RNGTT: variants seen among roughly 807,000 people sequenced by gnomAD.
RNGTT encodes the protein RNA guanylyltransferase and 5'-phosphatase.
RNGTT carries 33 observed loss-of-function variants against 79.3 expected under a neutral mutation model. The ratio of observed to expected loss-of-function variants is 0.42; its 90% CI spans 0.32 to 0.56. The LOEUF (loss-of-function observed/expected upper bound fraction) is 0.56, where lower values mean the gene tolerates loss of function less well. RNGTT is among the 20% of genes least tolerant of loss of function. RNGTT has a pLI of 0.17. For missense variants in RNGTT, 497 were observed against 739.1 expected, an observed-to-expected ratio of 0.67 and a Z score of 3.80; for synonymous variants, 222 against 235.9, an observed-to-expected ratio of 0.94 and a Z score of 0.54.
chr6:88,887,028 T>G (rs138298631), intron 8 of RNGTT, among the ~76,000 whole-genome samples: 88 of 93,310 alleles, frequency 9.4e-4, no homozygotes, highest in Admixed American at 2.2e-3. Context: ...CTGAGCAACA[T>G]AGCAAAACAC....
At chr6:88,705,659 A>T (rs1268742401) in intron 13 of RNGTT, among the ~76,000 whole-genome samples, 4 of 152,156 alleles carry the variant, frequency 2.6e-5, no homozygotes, top group African/African-American at 9.7e-5. Context: ...ATGCTGTGGT[A>T]TTACATCCTT....
intron 12 of RNGTT, among the ~76,000 whole-genome samples, chr6:88,773,610 T>C (rs948140074): frequency 3.3e-5 from 5 of 151,766 alleles, no homozygotes; most frequent in Non-Finnish European, 5.9e-5. Flanking sequence ...AGCATAAAGA[T>C]AGACAAAAAC....
intron 11 of RNGTT, among the ~76,000 whole-genome samples, chr6:88,814,078 C>T (rs1450398640): frequency 6.7e-6 from 1 of 149,692 alleles, no homozygotes; most frequent in East Asian, 2.0e-4. Flanking sequence ...GCTGTATTAT[C>T]ACAAGAGGTT....
intron 8 of RNGTT, among the ~76,000 whole-genome samples, chr6:88,889,072 C>G (rs908089215): frequency 2.0e-5 from 3 of 152,068 alleles, no homozygotes; most frequent in African/African-American, 7.2e-5. Context: ...CCATATAACC[C>G]AGAGAAAAAG....
intron 1 of RNGTT, among the ~76,000 whole-genome samples, chr6:88,957,053 A>G (rs559537718): frequency 6.6e-6 from 1 of 152,268 alleles, no homozygotes; most frequent in African/African-American, 2.4e-5. Flanking sequence ...AAATAAAATA[A>G]AAATAAATGT....
At chr6:88,848,260 G>T (rs1781552727) in intron 10 of RNGTT, among the ~76,000 whole-genome samples, 1 of 151,986 alleles carries the variant, frequency 6.6e-6, no homozygotes, top group South Asian at 2.1e-4. Context: ...TAGCAATGCA[G>T]ATAATATAGC....
intron 11 of RNGTT, among the ~76,000 whole-genome samples, chr6:88,802,129 A>C (rs945776224): frequency 6.6e-6 from 1 of 152,200 alleles, no homozygotes. Flanking sequence ...TCAAACATGA[A>C]GATTATAGTC....
intron 8 of RNGTT, among the ~76,000 whole-genome samples, chr6:88,888,912 C>G (rs1782953905): frequency 6.6e-6 from 1 of 152,162 alleles, no homozygotes; most frequent in African/African-American, 2.4e-5. Flanking sequence ...GCCATAAACC[C>G]AGCTACTTGG....
intron 1 of RNGTT, among the ~76,000 whole-genome samples, chr6:88,942,968 C>T (rs1335060269): frequency 6.6e-6 from 1 of 152,154 alleles, no homozygotes; most frequent in Non-Finnish European, 1.5e-5. Context: ...TCTCTGGCCT[C>T]TCCTTCTCAG....
chr6:88,733,635 T>C (rs1437046219), intron 13 of RNGTT, among the ~76,000 whole-genome samples: 7 of 147,308 alleles, frequency 4.8e-5, no homozygotes. Context: ...ACTGAAAAAA[T>C]CTACACACAG....
intron 14 of RNGTT, among the ~76,000 whole-genome samples, chr6:88,662,167 T>A (rs188466124): frequency 6.6e-6 from 1 of 152,216 alleles, no homozygotes; most frequent in Non-Finnish European, 1.5e-5. Context: ...TTTAAGGAAG[T>A]AGACCACCTC....
intron 8 of RNGTT, among the ~76,000 whole-genome samples, chr6:88,856,026 T>C (rs1554224746): frequency 6.6e-6 from 1 of 152,210 alleles, no homozygotes; most frequent in Non-Finnish European, 1.5e-5. Context: ...GCAAAGCTGA[T>C]ATTCACCAAA....
intron 14 of RNGTT, among the ~76,000 whole-genome samples, chr6:88,628,426 T>C (rs1269127753): frequency 6.6e-6 from 1 of 152,078 alleles, no homozygotes; most frequent in African/African-American, 2.4e-5. Flanking sequence ...CCTCCCCAAT[T>C]ATCTGTATTA....
At chr6:88,813,099 G>T (rs1043485678) in intron 11 of RNGTT, among the ~76,000 whole-genome samples, 8 of 152,032 alleles carry the variant, frequency 5.3e-5, no homozygotes, top group African/African-American at 1.9e-4. Context: ...GAGCCTGCAG[G>T]GTGGCAAATT....
intron 13 of RNGTT, among the ~76,000 whole-genome samples, chr6:88,761,625 TA>T (rs1270107828): frequency 3.9e-5 from 6 of 152,182 alleles, no homozygotes; most frequent in African/African-American, 1.4e-4. Flanking sequence ...AACTATAGTC[TA>T]CAGGCCACAT....
At chr6:88,779,863 C>T (rs1311911612) in intron 12 of RNGTT, among the ~76,000 whole-genome samples, 3 of 152,060 alleles carry the variant, frequency 2.0e-5, no homozygotes, top group Non-Finnish European at 2.9e-5. Context: ...CATGGTGGTG[C>T]ATGTTTGTAG....
intron 13 of RNGTT, among the ~76,000 whole-genome samples, chr6:88,754,868 T>C (rs1003798074): frequency 2.0e-5 from 3 of 152,244 alleles, no homozygotes; most frequent in Admixed American, 2.0e-4. Flanking sequence ...AGGAATACTT[T>C]TAGTTAATCT....
chr6:88,855,080 T>C (rs1236063482), intron 8 of RNGTT, among the ~76,000 whole-genome samples: 2 of 152,088 alleles, frequency 1.3e-5, no homozygotes, highest in African/African-American at 4.8e-5. Flanking sequence ...AATGAAAGAA[T>C]GGAAGAAGAG....
intron 13 of RNGTT, among the ~76,000 whole-genome samples, chr6:88,764,586 A>C (rs771056629): frequency 1.3e-5 from 2 of 152,230 alleles, no homozygotes; most frequent in Non-Finnish European, 2.9e-5. Flanking sequence ...ATGATGCTTC[A>C]ATAAAATTAT....
Sources: allele counts gnomAD v4.1 joint callset (sites outside exome capture counted in the v4.1 genomes callset), GRCh38; gene constraint gnomAD v4.1.1; transcripts MANE v1.5; gene names NCBI Gene and HGNC (gene_info 2026-07-23, HGNC 2026-07-21).